Variants in TGFB1 observed in about 807,000 individuals in gnomAD.
The protein encoded by TGFB1 is transforming growth factor beta-1 proprotein.
TGFB1 carries 19 observed loss-of-function variants against 43.8 expected under a neutral mutation model. The ratio of observed to expected loss-of-function variants is 0.43; its 90% confidence interval spans 0.30 to 0.64. The LOEUF is 0.64. Among genes scored for constraint, TGFB1 ranks in the 30% least tolerant of loss-of-function variants. TGFB1 has a pLI of 0.11. For missense variants in TGFB1, 445 were observed against 529.8 expected, an observed-to-expected ratio of 0.84 and a Z score of 1.57; for synonymous variants, 221 against 236.3, an observed-to-expected ratio of 0.94 and a Z score of 0.60.
intron 6 of TGFB1, 49 bp from the exon 7 acceptor site, chr19:41,331,259 A>T (rs1441329164): frequency 6.9e-7 from 1 of 1,459,336 alleles, no homozygotes; most frequent in Non-Finnish European, 9.0e-7. Context: ...GAGGGAGGAA[A>T]ACGGCCCTCC....
At chr19:41,331,368 A>G (rs1287398638) in intron 6 of TGFB1, among the ~76,000 whole-genome samples, 158 bp from the exon 7 acceptor site, 1 of 151,756 alleles carries the variant, frequency 6.6e-6, no homozygotes, top group Non-Finnish European at 1.5e-5. Flanking sequence ...CTTATCTTCT[A>G]ACATCCTATC....
At chr19:41,340,251 CTTTTTTTTTTTTT>C (rs3061188) in intron 5 of TGFB1, among the ~76,000 whole-genome samples, 3 of 125,216 alleles carry the variant, frequency 2.4e-5, no homozygotes, top group East Asian at 2.2e-4. Context: ...CACTTTCTTT[CTTTTTTTTTTTTT>C]TTTTTTTTTT....
chr19:41,349,453 C>T (rs1308952417), intron 1 of TGFB1, among the ~76,000 whole-genome samples: 1 of 152,182 alleles, frequency 6.6e-6, no homozygotes, highest in East Asian at 1.9e-4. Context: ...GTCACTCAAT[C>T]ATGTATACGT....
intron 5 of TGFB1, among the ~76,000 whole-genome samples, chr19:41,332,644 C>G (rs1435296873): frequency 6.6e-6 from 1 of 152,176 alleles, no homozygotes; most frequent in Non-Finnish European, 1.5e-5. Context: ...ATTTGTGCAA[C>G]AAATGTTTAT....
Position 41,336,760 on chromosome 19 carries a change from C to T in TGFB1, c.861-4479G>A, listed in dbSNP as rs2037992758. On this transcript the variant is annotated intron_variant, in intron 5 of 6. Transcript: ENST00000221930. ...ATCCATAAATATTTCAAATGTATCTCTAATTAAGACTACTTTAAAACACAG... is the reference window on the plus strand; with the variant it reads ...ATCCATAAATATTTCAAATGTATCTTTAATTAAGACTACTTTAAAACACAG... 2.0e-5 allele frequency among the ~76,000 whole-genome samples: 3 copies of T among 152,180 alleles called. No individual in the cohort carries two copies. In the East Asian group the frequency reaches 5.8e-4, roughly 29 times the overall value.
intron 3 of TGFB1, 97 bp from the exon 4 acceptor site, chr19:41,342,344 C>T: frequency 1.7e-6 from 2 of 1,201,358 alleles, no homozygotes; most frequent in Non-Finnish European, 2.4e-6. Context: ...GGCTTCCTTC[C>T]TGCCTCCCCC....
Position 41,353,243 on chromosome 19 carries a change from A to C in TGFB1, c.-199T>G. On this transcript the variant is annotated 5_prime_UTR_variant, in exon 1 of 7. Transcript: ENST00000221930. This position sits in a 1 kb window ranked among gnomAD's most constrained non-coding sequence, Gnocchi z 5.9. ...GGTGTCTCAGTATCCCACGGAAATAACCTAGATGGGCGCGATCTGGTACCA... is the reference window on the plus strand; with the variant it reads ...GGTGTCTCAGTATCCCACGGAAATACCCTAGATGGGCGCGATCTGGTACCA... The C allele has an allele frequency of 1.6e-6, 1 of 614,074 alleles. No homozygotes were observed. The highest frequency in any genetic ancestry group is 2.7e-6 in the Non-Finnish European group (1 of 374,784). The allele number at this position is 614,074 out of a possible 1,614,324, so 38.0% of individuals were successfully genotyped here.
chr19:41,339,693 A>G (rs975276694), intron 5 of TGFB1, among the ~76,000 whole-genome samples: 15 of 152,184 alleles, frequency 9.9e-5, no homozygotes, highest in Admixed American at 3.3e-4. Flanking sequence ...GTGTGGTGGC[A>G]CACGCCTGTA....
Position 41,331,000 on chromosome 19 carries a change from C to A in TGFB1, c.*52G>T. 4 of 932,064 alleles carry A rather than the reference C, an allele frequency of 4.3e-6. No individual in the cohort carries two copies. The highest frequency in any genetic ancestry group is 4.9e-6 in the Non-Finnish European group (4 of 809,200). The allele number at this position is 932,064 out of a possible 1,614,324, so 57.7% of individuals were successfully genotyped here. The stretch of plus-strand genomic sequence containing the variant: ...GCCCCCATGGGCAAGGCAGCGGGGG[C>A]GGGGCGGGGTGGGGCCGGGCCTGCC... On this transcript the variant is annotated 3_prime_UTR_variant, in exon 7 of 7. Coordinates refer to ENST00000221930, the MANE Select transcript of TGFB1 (RefSeq NM_000660.7).
Position 41,352,716 on chromosome 19 carries a change from C to T in TGFB1, c.329G>A (p.Arg110His), listed in dbSNP as rs910883327. The change falls in exon 1 of 7, where the codon CGC (arginine) becomes CAC (histidine). Residue 110 changes from arginine (R) to histidine (H), a missense_variant. This residue lies in a region of TGFB1 where 366 missense variants were observed against 428.8 expected (regional missense o/e 0.85). Transcript: ENST00000221930. ...EADYYAKEVT[R>H]VLMVETHNEI... ...GTTGTGGGTTTCCACCATTAGCACGCGGGTGACCTCCTTGGCGTAGTAGTC... is the reference window on the plus strand; with the variant it reads ...GTTGTGGGTTTCCACCATTAGCACGTGGGTGACCTCCTTGGCGTAGTAGTC... 6.2e-7 allele frequency: 1 copy of T among 1,613,670 alleles called. No individual in the cohort carries two copies. Among genetic ancestry groups the T allele is most frequent in the Non-Finnish European group, 8.5e-7 (1 of 1,179,882 alleles).
intron 5 of TGFB1, among the ~76,000 whole-genome samples, chr19:41,338,324 C>T (rs570193345): frequency 7.2e-4 from 107 of 148,748 alleles, no homozygotes; most frequent in African/African-American, 2.0e-3. Context: ...TGAAACCCCA[C>T]CTCTACTAAA....
chr19:41,338,835 C>CAA lies in TGFB1; in HGVS notation c.860+3046_860+3047dup, dbSNP rs61631301. On this transcript the variant is annotated intron_variant, in intron 5 of 6. Coordinates refer to ENST00000221930, the MANE Select transcript of TGFB1 (RefSeq NM_000660.7). ...GCCTGAATGACAGAGACTCTGTCTC[C>CAA]AAAAAAAAAAAAAAGTATTAATCAA... 5.1e-3 allele frequency among the ~76,000 whole-genome samples: 602 copies of CAA among 118,878 alleles called. 6 individuals are homozygous for CAA. The highest frequency in any genetic ancestry group is 0.018 in the African/African-American group (576 of 32,044). The allele number at this position is 118,878 out of a possible 152,430, so 78.0% of individuals were successfully genotyped here.
At chr19:41,343,623 G>A (rs534815591) in intron 3 of TGFB1, among the ~76,000 whole-genome samples, 56 of 151,868 alleles carry the variant, frequency 3.7e-4, no homozygotes, top group African/African-American at 1.3e-3. Flanking sequence ...CTCCCTGCTG[G>A]TGCCTCCCCA....
intron 1 of TGFB1, among the ~76,000 whole-genome samples, chr19:41,352,343 A>ACTC (rs2038212172): frequency 1.2e-5 from 1 of 83,556 alleles, no homozygotes. Flanking sequence ...GCACCCCACG[A>ACTC]CCCCCCCCCC....
rs770264069 is a variant in TGFB1, at chr19:41,341,466, C to CAAA, written c.860+414_860+416dup. 3.1e-4 allele frequency among the ~76,000 whole-genome samples: 11 copies of CAAA among 35,574 alleles called. 2 individuals carry two copies. The highest frequency in any genetic ancestry group is 1.0e-3 in the African/African-American group (8 of 8,008). 23.3% of individuals were successfully genotyped at this position (35,574 alleles called of 152,430 possible). A position where few individuals can be genotyped will look rare whatever the true frequency, so the allele number is the denominator to read the frequency against. On this transcript the variant is annotated intron_variant, in intron 5 of 6. Coordinates refer to ENST00000221930, the MANE Select transcript of TGFB1 (RefSeq NM_000660.7). ...CAGGTGACAGAGCGAGACTCTGTCT[C>CAAA]AAAAAAAAAAAAAAAAAAAAAAAAA...
chr19:41,333,305 C>G (rs946384056), intron 5 of TGFB1, among the ~76,000 whole-genome samples: 2 of 149,602 alleles, frequency 1.3e-5, no homozygotes, highest in African/African-American at 5.0e-5. Flanking sequence ...CTCCGCCTCC[C>G]AGGTTCAAGC....
chr19:41,344,816 G>C lies in TGFB1; in HGVS notation c.565C>G (p.Pro189Ala), dbSNP rs201828175. The change falls in exon 3 of 7, where the codon CCC (proline) becomes GCC (alanine). Residue 189 changes from proline (P) to alanine (A), a missense_variant. Physicochemically the swap from Pro to Ala is conservative, Grantham distance 27. Transcript: ENST00000221930. ...GATAACCACTCTGGCGAGTCGCTGG[G>C]TGCCAGCAGCCGGTTGCTGAGGTAT... ...WRYLSNRLLA[P>A]SDSPEWLSFD... 1 of 1,611,610 alleles carries C rather than the reference G, an allele frequency of 6.2e-7. No homozygotes were observed. The highest frequency in any genetic ancestry group is 1.1e-5 in the South Asian group (1 of 90,532).
intron 1 of TGFB1, among the ~76,000 whole-genome samples, chr19:41,350,342 T>C (rs1248714253): frequency 6.8e-6 from 1 of 147,384 alleles, no homozygotes; most frequent in Admixed American, 6.9e-5. Context: ...GGAGTTTCTG[T>C]CGCCCAGGCT....
intron 3 of TGFB1, among the ~76,000 whole-genome samples, chr19:41,344,015 CTCTT>C (rs2038088156): frequency 8.4e-6 from 1 of 119,252 alleles, no homozygotes; most frequent in Non-Finnish European, 1.8e-5. Context: ...TGGGATCTCA[CTCTT>C]TCATGTAGGC....
Sources: gnomAD v4.1 joint callset for allele counts (sites outside exome capture counted in the v4.1 genomes callset) on GRCh38, gnomAD v4.1.1 for gene constraint, gnomAD v4.1.1 regional missense constraint, Gnocchi (gnomAD v3.1) non-coding constraint, MANE v1.5 for transcripts, NCBI Gene and HGNC (gene_info 2026-07-23, HGNC 2026-07-21) for gene names.